The following KIAA1549L variants were observed in gnomAD, a reference collection of about 807,000 sequenced individuals.
KIAA1549L encodes UPF0606 protein KIAA1549L.
In KIAA1549L, 88 loss-of-function variants were observed where a neutral mutation model predicts 160.7. The observed-to-expected ratio is 0.55, with a 90% CI of 0.46 to 0.65. The LOEUF (loss-of-function observed/expected upper bound fraction) is 0.65. KIAA1549L is among the 30% of genes least tolerant of loss of function. KIAA1549L has a pLI of 0.00. For synonymous variants in KIAA1549L, 950 were observed against 976.7 expected, an observed-to-expected ratio of 0.97 and a Z score of 0.51; for missense variants, 2,258 against 2,437.5, an observed-to-expected ratio of 0.93 and a Z score of 1.55.
intron 16 of KIAA1549L, among the ~76,000 whole-genome samples, chr11:33,630,069 G>A (rs534725537): frequency 4.6e-5 from 7 of 152,142 alleles, no homozygotes; most frequent in Admixed American, 4.6e-4. Flanking sequence ...GTCTGCCTCT[G>A]CTGGGGGGTG....
At chr11:33,603,945 A>G (rs1362703543) in intron 13 of KIAA1549L, among the ~76,000 whole-genome samples, 1 of 152,200 alleles carries the variant, frequency 6.6e-6, no homozygotes, top group Non-Finnish European at 1.5e-5. Context: ...TTATTCTGAC[A>G]GAGATGAAGC....
At chr11:33,453,617 G>A (rs996581369) in intron 1 of KIAA1549L, among the ~76,000 whole-genome samples, 2 of 151,904 alleles carry the variant, frequency 1.3e-5, no homozygotes, top group Non-Finnish European at 2.9e-5. Context: ...CACCTTTCTG[G>A]GCTCAAAAAG....
intron 1 of KIAA1549L, among the ~76,000 whole-genome samples, chr11:33,480,099 C>G (rs962836013): frequency 7.9e-5 from 12 of 152,034 alleles, no homozygotes; most frequent in African/African-American, 2.4e-4. Flanking sequence ...TGAGATATAA[C>G]CCAAATACAA....
At chr11:33,398,429 G>C (rs1194282800) in intron 1 of KIAA1549L, among the ~76,000 whole-genome samples, 1 of 152,212 alleles carries the variant, frequency 6.6e-6, no homozygotes, top group Non-Finnish European at 1.5e-5. Flanking sequence ...ATCTGGGCAT[G>C]TGATCAGTGG....
intron 1 of KIAA1549L, among the ~76,000 whole-genome samples, chr11:33,475,808 G>A (rs1030267021): frequency 1.3e-5 from 2 of 152,174 alleles, no homozygotes; most frequent in African/African-American, 4.8e-5. Context: ...AGTGAACTGT[G>A]ATTGTGCCAC....
At chr11:33,486,363 G>T (rs552069640) in intron 1 of KIAA1549L, among the ~76,000 whole-genome samples, 1 of 152,226 alleles carries the variant, frequency 6.6e-6, no homozygotes, top group South Asian at 2.1e-4. Context: ...CAGAGAATCT[G>T]TGTCTTTTAA....
intron 16 of KIAA1549L, among the ~76,000 whole-genome samples, chr11:33,629,860 C>T (rs1326476457): frequency 1.8e-4 from 26 of 141,624 alleles, no homozygotes; most frequent in East Asian, 8.0e-4. Flanking sequence ...GGAGGAGAGG[C>T]GCTCTGCTTT....
In KIAA1549L at chr11:33,499,998, C is replaced by T. The variant is rs547069037; in HGVS notation, c.239-41804C>T. 8.1e-4 allele frequency among the ~76,000 whole-genome samples: 123 copies of T among 152,318 alleles called. No individual in the cohort carries two copies. In the South Asian group the frequency reaches 0.023, roughly 28 times the overall value. ...CAACTCCCTGCATCCTACCCTTCTT[C>T]TTTCACTGATACCAGGGTAGCCTTC... On this transcript the variant is annotated intron_variant, in intron 1 of 20. Transcript: ENST00000658780.
At chr11:33,439,805 G>C (rs1851458814) in intron 1 of KIAA1549L, among the ~76,000 whole-genome samples, 1 of 151,864 alleles carries the variant, frequency 6.6e-6, no homozygotes, top group Non-Finnish European at 1.5e-5. Flanking sequence ...TGTTAAAACA[G>C]CCACATAGCT....
At chr11:33,587,093 T>C (rs1849906083) in intron 11 of KIAA1549L, among the ~76,000 whole-genome samples, 1 of 152,232 alleles carries the variant, frequency 6.6e-6, no homozygotes, top group South Asian at 2.1e-4. Context: ...TATAGAGTGT[T>C]GTGAGGATTA....
At chr11:33,539,437 T>C (rs190425111) in intron 1 of KIAA1549L, among the ~76,000 whole-genome samples, 168 of 152,344 alleles carry the variant, frequency 1.1e-3, no homozygotes, top group Middle Eastern at 3.4e-3. Context: ...AGATTATGTT[T>C]CAATGACAAC....
At position 33,574,716 on chromosome 11, in the gene KIAA1549L, G is replaced by T; in HGVS notation, c.4245G>T (p.Gln1415His). The T allele has an allele frequency of 6.2e-7, 1 of 1,610,952 alleles. No homozygotes were observed. Among genetic ancestry groups the T allele is most frequent in the Non-Finnish European group, 8.5e-7 (1 of 1,178,054 alleles). Residue 1415 changes from glutamine to histidine, a missense_variant, in exon 10 of 21, where the codon CAG (glutamine) becomes CAT (histidine). By Grantham distance (24) the Gln-to-His change is conservative. This residue lies in a region of KIAA1549L where 1,359 missense variants were observed against 1,546.6 expected (regional missense o/e 0.88). Coordinates refer to ENST00000658780, the MANE Select transcript of KIAA1549L (RefSeq NM_012194.3). ...TTTTCCGAAAGATGGTGAAGATGCA[G>T]CGTGTCCCAGGCCCGAAGGACCCAG... is the stretch of plus-strand genomic sequence containing the variant. ...GSYTVQMVKM[Q>H]RVPGPKDPAE...
chr11:33,614,531 GATATATATATAT>G (rs780446812), intron 15 of KIAA1549L, among the ~76,000 whole-genome samples: 1,633 of 27,070 alleles, frequency 0.06, 318 homozygotes, highest in Middle Eastern at 0.12. Flanking sequence ...AGTGTAACAA[GATATATATATAT>G]ATATATATAT....
intron 1 of KIAA1549L, among the ~76,000 whole-genome samples, chr11:33,392,497 ACT>A (rs1355011200): frequency 1.3e-5 from 2 of 152,022 alleles, no homozygotes; most frequent in Non-Finnish European, 2.9e-5. Context: ...GAAATACAAA[ACT>A]CTTGAGTACA....
intron 1 of KIAA1549L, among the ~76,000 whole-genome samples, chr11:33,453,102 A>G (rs960275187): frequency 6.6e-6 from 1 of 152,254 alleles, no homozygotes; most frequent in African/African-American, 2.4e-5. Flanking sequence ...AGTGACTGAC[A>G]TAGGCGAGCA....
intron 1 of KIAA1549L, among the ~76,000 whole-genome samples, chr11:33,479,282 A>G (rs1852359791): frequency 6.6e-6 from 1 of 152,240 alleles, no homozygotes; most frequent in Admixed American, 6.5e-5. Flanking sequence ...AGGGCATTCA[A>G]GTGACACTCA....
chr11:33,597,026 T>C (rs1010363684), intron 12 of KIAA1549L, among the ~76,000 whole-genome samples: 1 of 152,222 alleles, frequency 6.6e-6, no homozygotes, highest in Non-Finnish European at 1.5e-5. Context: ...CTACATTCTT[T>C]GTATTACTCA....
intron 10 of KIAA1549L, among the ~76,000 whole-genome samples, chr11:33,578,866 G>T (rs975342109): frequency 2.3e-4 from 35 of 152,178 alleles, no homozygotes; most frequent in African/African-American, 8.0e-4. Flanking sequence ...AACAGTTGTT[G>T]TCTGTCTCTC....
intron 9 of KIAA1549L, among the ~76,000 whole-genome samples, chr11:33,572,360 G>T (rs1477744430): frequency 1.3e-5 from 2 of 152,086 alleles, no homozygotes; most frequent in African/African-American, 4.8e-5. Context: ...TTGTAGAAAA[G>T]TTGATAAAAT....
Sources: allele counts gnomAD v4.1 joint callset (sites outside exome capture counted in the v4.1 genomes callset), GRCh38; gene constraint gnomAD v4.1.1; regional missense constraint gnomAD v4.1.1; transcripts MANE v1.5; gene names NCBI Gene and HGNC (gene_info 2026-07-23, HGNC 2026-07-21).